The following PTPRQ variants were observed in gnomAD, a reference collection of about 807,000 sequenced individuals.
PTPRQ encodes the protein phosphatidylinositol phosphatase PTPRQ.
PTPRQ carries 199 observed loss-of-function variants against 246.0 expected under a neutral mutation model. The ratio of observed to expected loss-of-function variants is 0.81; its 90% CI spans 0.72 to 0.91. PTPRQ has a LOEUF of 0.91. PTPRQ is among the 40% of genes least tolerant of loss of function. The probability of loss-of-function intolerance (pLI) is 0.00; values close to 1 mark genes in which losing one functional copy is unlikely to be tolerated. For synonymous variants in PTPRQ, 869 were observed against 853.2 expected (o/e 1.02, Z -0.32); for missense variants, 2,624 against 2,528.4 (o/e 1.04, Z -0.81).
chr12:80,465,389 G>C (rs1003571472), intron 6 of PTPRQ: 1 of 152,202 alleles, frequency 6.6e-6, no homozygotes, highest in Non-Finnish European at 1.5e-5. Context: ...AAAGAGTCCA[G>C]GACCAGATGG....
At chr12:80,644,625 GCAAA>G (rs1345505786) in intron 35 of PTPRQ, among the ~76,000 whole-genome samples, 1 of 151,994 alleles carries the variant, frequency 6.6e-6, no homozygotes, top group Non-Finnish European at 1.5e-5. Context: ...GCTTATTTAA[GCAAA>G]CAGTTTTTCC....
chr12:80,487,331 T>C (rs142998628), intron 9 of PTPRQ, among the ~76,000 whole-genome samples: 82 of 152,206 alleles, frequency 5.4e-4, no homozygotes, highest in African/African-American at 1.9e-3. Flanking sequence ...TAGTGACCTG[T>C]GCAGGTTCCC....
At position 80,539,777 on chromosome 12, in the gene PTPRQ, A is replaced by G; in HGVS notation, c.2987A>G (p.Asn996Ser). The G allele has an allele frequency of 6.5e-7, 1 of 1,528,278 alleles. No individual in the cohort carries two copies. Among genetic ancestry groups the G allele is most frequent in the Non-Finnish European group, 8.8e-7 (1 of 1,138,814 alleles). 94.7% of individuals were successfully genotyped at this position (1,528,278 alleles called of 1,614,324 possible). Residue 996 changes from asparagine (N) to serine (S), a missense_variant and splice_region_variant, in exon 20 of 45, where the codon AAT (asparagine) becomes AGT (serine). By Grantham distance (46) the Asn-to-Ser change is conservative. Transcript: ENST00000644991. Reference sequence around the variant, plus strand: ...ACAATGAATGTGTTTATTTTTCAGAATTTTACACTCCATGAAGTAACCAAT... The same window carrying G: ...ACAATGAATGTGTTTATTTTTCAGAGTTTTACACTCCATGAAGTAACCAAT... ...YRNTSGTFMQNFTLHEVTNDF... is the reference protein window; with the variant it reads ...YRNTSGTFMQSFTLHEVTNDF...
At chr12:80,521,989 C>A (rs1348765969) in intron 17 of PTPRQ, among the ~76,000 whole-genome samples, 1 of 152,146 alleles carries the variant, frequency 6.6e-6, no homozygotes, top group Non-Finnish European at 1.5e-5. Flanking sequence ...TTCTTCCTAC[C>A]ATGAGCATGG....
At chr12:80,473,047 G>GCACACACACACA (rs34054644) in intron 8 of PTPRQ, among the ~76,000 whole-genome samples, 30 of 145,676 alleles carry the variant, frequency 2.1e-4, no homozygotes, top group African/African-American at 7.9e-4. Flanking sequence ...TCACACACAC[G>GCACACACACACA]CACACACACA....
At position 80,542,089 on chromosome 12, in the gene PTPRQ, T is replaced by C. The variant is rs1896171684; in HGVS notation, c.3446T>C (p.Val1149Ala). 6.5e-7 allele frequency: 1 copy of C among 1,541,314 alleles called. No homozygotes were observed. The highest frequency in any genetic ancestry group is 1.4e-5 in the African/African-American group (1 of 72,280). ...AQLYIKTEED[V>A]PETSPIINTF... ...TTAATATTCTCTTTTTCTTTTATAG[T>C]CCCAGAAACTTCACCAATAATCAAC... Residue 1149 changes from valine (V) to alanine (A), a missense_variant and splice_region_variant, in exon 22 of 45, where the codon GTC (valine) becomes GCC (alanine). By Grantham distance (64) the Val-to-Ala change is moderately conservative. Coordinates refer to ENST00000644991, the MANE Select transcript of PTPRQ (RefSeq NM_001145026.2).
At chr12:80,486,539 C>T (rs1299457853) in intron 9 of PTPRQ, among the ~76,000 whole-genome samples, 1 of 152,106 alleles carries the variant, frequency 6.6e-6, no homozygotes. Context: ...GAAAAATCAA[C>T]TTTTGGAGAC....
chr12:80,669,143 TA>T lies in PTPRQ; in HGVS notation c.6327+4del. 2.6e-6 allele frequency: 4 copies of T among 1,543,240 alleles called. No homozygotes were observed. In the African/African-American group the frequency reaches 4.1e-5, roughly 16 times the overall value. ...ACACAGTGTTTTGAAAAAGGACGGGTAAGTTATTTGAAAATGTTTTACAAAT... is the reference window on the plus strand; with the variant it reads ...ACACAGTGTTTTGAAAAAGGACGGGTAGTTATTTGAAAATGTTTTACAAAT... On this transcript the variant is annotated splice_donor_region_variant and intron_variant, in intron 40 of 44. Coordinates refer to ENST00000644991, the MANE Select transcript of PTPRQ (RefSeq NM_001145026.2).
intron 14 of PTPRQ, among the ~76,000 whole-genome samples, chr12:80,498,752 G>T (rs1007326278): frequency 2.6e-5 from 4 of 152,062 alleles, no homozygotes; most frequent in Non-Finnish European, 2.9e-5. Context: ...ATTGTGATAT[G>T]AAATAATAAC....
chr12:80,479,866 C>T (rs1893971264), intron 8 of PTPRQ, among the ~76,000 whole-genome samples: 2 of 152,032 alleles, frequency 1.3e-5, no homozygotes, highest in Admixed American at 6.6e-5. Flanking sequence ...CACCCAGATT[C>T]ATAAAGCAAG....
chr12:80,477,786 C>T (rs1050514557), intron 8 of PTPRQ, among the ~76,000 whole-genome samples: 4 of 152,134 alleles, frequency 2.6e-5, no homozygotes, highest in Non-Finnish European at 5.9e-5. Context: ...CCTGGAAAAT[C>T]GGGTCACTCC....
chr12:80,475,293 T>C (rs1422579785), intron 8 of PTPRQ, among the ~76,000 whole-genome samples: 1 of 152,160 alleles, frequency 6.6e-6, no homozygotes, highest in Non-Finnish European at 1.5e-5. Flanking sequence ...TATTTTGCCA[T>C]TATCTAGAAA....
chr12:80,576,114 T>C (rs565557821), intron 25 of PTPRQ, among the ~76,000 whole-genome samples: 2 of 152,234 alleles, frequency 1.3e-5, no homozygotes, highest in African/African-American at 4.8e-5. Flanking sequence ...TATATTTTAA[T>C]CAATAAAGTT....
intron 25 of PTPRQ, among the ~76,000 whole-genome samples, chr12:80,574,438 AT>A (rs1897231162): frequency 6.6e-6 from 1 of 151,332 alleles, no homozygotes; most frequent in African/African-American, 2.4e-5. Context: ...TGGATGTACT[AT>A]TTTTTCTTTG....
chr12:80,475,433 T>C (rs1490397226), intron 8 of PTPRQ, among the ~76,000 whole-genome samples: 7 of 152,128 alleles, frequency 4.6e-5, no homozygotes. Flanking sequence ...ATGTATCGAC[T>C]TGAGAATGAC....
chr12:80,476,126 TGC>T (rs1893802787), intron 8 of PTPRQ, among the ~76,000 whole-genome samples: 1 of 152,092 alleles, frequency 6.6e-6, no homozygotes, highest in East Asian at 1.9e-4. Context: ...ACTTAAGTTA[TGC>T]AATACTGGCT....
chr12:80,672,308 C>CAT (rs879301803), intron 42 of PTPRQ, among the ~76,000 whole-genome samples: 380 of 150,702 alleles, frequency 2.5e-3, no homozygotes, highest in African/African-American at 6.0e-3. Context: ...GGCTGTGTGG[C>CAT]ATGTATATAT....
At chr12:80,622,168 A>T (rs1270128061) in intron 33 of PTPRQ, 34 bp downstream of exon 33, 3 of 1,337,044 alleles carry the variant, frequency 2.2e-6, no homozygotes, top group Non-Finnish European at 2.9e-6. Flanking sequence ...TATAATCTCA[A>T]CATATTTATC....
chr12:80,553,933 T>C (rs1193170349), intron 25 of PTPRQ, among the ~76,000 whole-genome samples: 1 of 152,158 alleles, frequency 6.6e-6, no homozygotes, highest in Admixed American at 6.5e-5. Flanking sequence ...TGGAGGACAT[T>C]ATGTTAAGTG....
Sources: gnomAD v4.1 joint callset for allele counts (sites outside exome capture counted in the v4.1 genomes callset) on GRCh38, gnomAD v4.1.1 for gene constraint, MANE v1.5 for transcripts, NCBI Gene and HGNC (gene_info 2026-07-23, HGNC 2026-07-21) for gene names.